PDCD4: variants seen among roughly 807,000 people sequenced by gnomAD.
PDCD4 encodes programmed cell death protein 4.
Under a neutral mutation model 54.0 loss-of-function variants are expected in PDCD4, and 56 were observed. The observed-to-expected ratio is 1.04, with a 90% CI of 0.84 to 1.30. The LOEUF (loss-of-function observed/expected upper bound fraction) is 1.30. Ranked by LOEUF, PDCD4 falls within the 50% of genes most tolerant of loss-of-function variation. PDCD4 has a pLI of 0.00. For synonymous variants in PDCD4, 186 were observed against 194.8 expected (o/e 0.95, Z 0.37); for missense variants, 584 against 559.8 (o/e 1.04, Z -0.44).
intron 8 of PDCD4, among the ~76,000 whole-genome samples, chr10:110,893,168 A>G (rs1395333164): frequency 2.0e-5 from 3 of 151,992 alleles, no homozygotes; most frequent in East Asian, 1.9e-4. Context: ...ATGCATGACT[A>G]TGCATTAGTT....
At chr10:110,895,295 A>G (rs888503257) in intron 10 of PDCD4, among the ~76,000 whole-genome samples, 2 of 152,014 alleles carry the variant, frequency 1.3e-5, no homozygotes, top group African/African-American at 4.8e-5. Flanking sequence ...TGTGTACCCA[A>G]TGTTTAGCTC....
chr10:110,885,218 T>C, intron 4 of PDCD4, 35 bp from the exon 5 acceptor site: 1 of 985,736 alleles, frequency 1.0e-6, no homozygotes, highest in Admixed American at 2.1e-5. Context: ...TTGCATTTTG[T>C]TTTTTATAAC....
Position 110,896,061 on chromosome 10 carries a change from A to G in PDCD4, c.1323A>G (p.Lys441=). ...GTTTTCAGGCTGGAATAATTTCCAA[A>G]CAACTCAGAGATCTTTGTCCTTCAA... ...EECFQAGIIS[K]QLRDLCPSRG... The change falls in exon 11 of 12, where the codon AAA becomes AAG. Residue 441 remains lysine, a synonymous_variant. Coordinates refer to ENST00000280154, the MANE Select transcript of PDCD4 (RefSeq NM_014456.5). 1 of 1,610,834 alleles carries G rather than the reference A, an allele frequency of 6.2e-7. No homozygotes were observed. The highest frequency in any genetic ancestry group is 8.5e-7 in the Non-Finnish European group (1 of 1,177,984).
intron 11 of PDCD4, 89 bp downstream of exon 11, chr10:110,896,176 G>T: frequency 1.1e-6 from 1 of 941,306 alleles, no homozygotes; most frequent in Non-Finnish European, 1.6e-6. Context: ...ATCGTTCCCT[G>T]AAGTCACTGA....
intron 9 of PDCD4, 72 bp downstream of exon 9, chr10:110,894,270 T>A (rs1490779423): frequency 4.2e-6 from 4 of 958,104 alleles, no homozygotes; most frequent in Non-Finnish European, 6.7e-6. Context: ...TTATGCTTTT[T>A]AAATAATGTA....
At chr10:110,877,717 A>G (rs1220396168) in intron 2 of PDCD4, among the ~76,000 whole-genome samples, 1 of 152,192 alleles carries the variant, frequency 6.6e-6, no homozygotes, top group Non-Finnish European at 1.5e-5. Flanking sequence ...CAATATTTGA[A>G]TAGGCCTAAG....
At chr10:110,872,528 G>T (rs569700616) in intron 1 of PDCD4, among the ~76,000 whole-genome samples, 1 of 152,222 alleles carries the variant, frequency 6.6e-6, no homozygotes, top group South Asian at 2.1e-4. Flanking sequence ...CCCCGGCCTC[G>T]GCCCCGGCCC....
At chr10:110,874,406 A>G (rs546833449) in intron 1 of PDCD4, among the ~76,000 whole-genome samples, 1 of 152,306 alleles carries the variant, frequency 6.6e-6, no homozygotes, top group African/African-American at 2.4e-5. Flanking sequence ...TCCTATATGT[A>G]TTTCATGCAT....
Position 110,887,737 on chromosome 10 carries a change from G to T in PDCD4, c.628G>T (p.Glu210Ter), listed in dbSNP as rs1845689853. The change falls in exon 6 of 12, where the codon GAG becomes TAG. Residue 210 changes from glutamate (E) to a stop codon, truncating the protein, a stop_gained. Transcript: ENST00000280154. LOFTEE classifies it high-confidence loss of function. ...VPVLAVSLAL[E>*]GKASHREMTS... ...AGTGTTGGCAGTATCCTTAGCATTG[G>T]AGGGGAAGGCTAGTCATAGAGAGAT... 1 of 1,613,386 alleles carries T rather than the reference G, an allele frequency of 6.2e-7. No individual in the cohort carries two copies. The highest frequency in any genetic ancestry group is 1.3e-5 in the African/African-American group (1 of 74,888).
At chr10:110,884,537 C>T (rs1182626605) in intron 4 of PDCD4, among the ~76,000 whole-genome samples, 1 of 151,754 alleles carries the variant, frequency 6.6e-6, no homozygotes, top group African/African-American at 2.4e-5. Context: ...ATCGTGAAGG[C>T]TTTGGTTCCT....
At chr10:110,896,259 G>T (rs1203391258) in intron 11 of PDCD4, among the ~76,000 whole-genome samples, 172 bp downstream of exon 11, 2 of 152,284 alleles carry the variant, frequency 1.3e-5, no homozygotes, top group Admixed American at 1.3e-4. Flanking sequence ...AATCTGTACA[G>T]GACTGCCTCA....
chr10:110,896,295 A>G (rs1261827842), intron 11 of PDCD4, among the ~76,000 whole-genome samples: 1 of 152,188 alleles, frequency 6.6e-6, no homozygotes, highest in African/African-American at 2.4e-5. Context: ...TTTGAAAGAA[A>G]CTAATCTTGT....
At chr10:110,892,069 A>C (rs1219495092) in intron 8 of PDCD4, among the ~76,000 whole-genome samples, 1 of 152,236 alleles carries the variant, frequency 6.6e-6, no homozygotes, top group Non-Finnish European at 1.5e-5. Flanking sequence ...TTCTCTATAC[A>C]GTAGAAATGA....
intron 4 of PDCD4, among the ~76,000 whole-genome samples, chr10:110,883,738 GA>G (rs1436632485): frequency 6.6e-6 from 1 of 151,890 alleles, no homozygotes; most frequent in Non-Finnish European, 1.5e-5. Flanking sequence ...TATGTTTTTT[GA>G]AAATTTGTCT....
rs1171008036 is a variant in PDCD4 at position 110,879,395 on chromosome 10, G to A, written c.44-1838G>A. Reference sequence around the variant, plus strand: ...AAGAGTTTACATTTTGGCTGGGTGCGGTGGCTCACGCCTGTAATCCCAGCA... The same window carrying A: ...AAGAGTTTACATTTTGGCTGGGTGCAGTGGCTCACGCCTGTAATCCCAGCA... On this transcript the variant is annotated intron_variant, in intron 2 of 11. Coordinates refer to ENST00000280154, the MANE Select transcript of PDCD4 (RefSeq NM_014456.5). Among the ~76,000 whole-genome samples the A allele has an allele frequency of 5.9e-5, 9 of 152,082 alleles. No individual in the cohort carries two copies. The East Asian group carries it at 1.3e-3, about 23-fold the overall frequency.
intron 10 of PDCD4, among the ~76,000 whole-genome samples, chr10:110,895,193 G>A (rs1845813202): frequency 6.6e-6 from 1 of 151,976 alleles, no homozygotes; most frequent in Non-Finnish European, 1.5e-5. Flanking sequence ...AGTAAATATA[G>A]TACCTGATAG....
intron 4 of PDCD4, among the ~76,000 whole-genome samples, chr10:110,883,834 A>G (rs946283060): frequency 6.6e-6 from 1 of 152,194 alleles, no homozygotes; most frequent in African/African-American, 2.4e-5. Context: ...TGTGTGTTGT[A>G]TGTATGTATT....
At chr10:110,889,480 C>T (rs1477293190) in intron 6 of PDCD4, 53 bp from the exon 7 acceptor site, 4 of 939,312 alleles carry the variant, frequency 4.3e-6, no homozygotes, top group Non-Finnish European at 6.8e-6. Flanking sequence ...AAATTGTGAC[C>T]TATAAAAGTT....
chr10:110,885,702 C>A (rs889052067), intron 5 of PDCD4, among the ~76,000 whole-genome samples: 1 of 150,882 alleles, frequency 6.6e-6, no homozygotes, highest in Non-Finnish European at 1.5e-5. Flanking sequence ...TTCTAGACGC[C>A]CCCCGAAACC....
Sources: gnomAD v4.1 joint callset for allele counts (sites outside exome capture counted in the v4.1 genomes callset) on GRCh38, gnomAD v4.1.1 for gene constraint, MANE v1.5 for transcripts, NCBI Gene and HGNC (gene_info 2026-07-23, HGNC 2026-07-21) for gene names.